The following IL1RAPL1 variants were observed in gnomAD, a reference collection of about 807,000 sequenced individuals.
IL1RAPL1 encodes the protein interleukin 1 receptor accessory protein like 1.
IL1RAPL1 carries 3 observed loss-of-function variants against 48.4 expected under a neutral mutation model. That is an observed-to-expected ratio of 0.06 (90% confidence interval 0.03 to 0.16). The LOEUF (loss-of-function observed/expected upper bound fraction) is 0.16, where lower values mean the gene tolerates loss of function less well. Among genes scored for constraint, IL1RAPL1 ranks in the 10% least tolerant of loss-of-function variants. The pLI is 1.00. For missense variants in IL1RAPL1, 349 were observed against 530.6 expected, an observed-to-expected ratio of 0.66 and a Z score of 3.36; for synonymous variants, 185 against 187.7, an observed-to-expected ratio of 0.99 and a Z score of 0.12.
intron 5 of IL1RAPL1, among the ~76,000 whole-genome samples, chrX:29,538,338 C>CTTT (rs397896582): frequency 3.2e-4 from 27 of 83,582 alleles, no homozygotes; most frequent in African/African-American, 8.8e-4. Context: ...CTTTTCTTTT[C>CTTT]TTTTTTTTTT....
At position 28,967,517 on chromosome X, in the gene IL1RAPL1, A is replaced by C. The variant is rs770318388; in HGVS notation, c.82+178092A>C. 4.6e-3 allele frequency among the ~76,000 whole-genome samples: 510 copies of C among 111,462 alleles called. 4 individuals carry two copies. Among genetic ancestry groups the C allele is most frequent in the African/African-American group, 0.016 (478 of 30,682 alleles). On this transcript the variant is annotated intron_variant, in intron 2 of 10. Coordinates refer to ENST00000378993, the MANE Select transcript of IL1RAPL1 (RefSeq NM_014271.4). ...TCAATACATAACAAATTTTCTTCTT[A>C]TTCTTTAAATTAAAGATCTCCCCCT...
chrX:29,232,444 C>T (rs7059101), intron 2 of IL1RAPL1, among the ~76,000 whole-genome samples: 21,981 of 111,348 alleles, frequency 0.2, 2,798 homozygotes, highest in African/African-American at 0.45. Flanking sequence ...GCAGAAATAG[C>T]GTGAAAGAAT....
chrX:28,854,971 T>G (rs113604861), intron 2 of IL1RAPL1, among the ~76,000 whole-genome samples: 2,105 of 111,677 alleles, frequency 0.019, 52 homozygotes, highest in African/African-American at 0.065. Context: ...CCTCTTATCT[T>G]GTAGTGTTGT....
intron 2 of IL1RAPL1, among the ~76,000 whole-genome samples, chrX:29,206,095 A>T (rs1435360126): frequency 9.0e-6 from 1 of 111,558 alleles, no homozygotes; most frequent in Non-Finnish European, 1.9e-5. Context: ...AATAAGTACT[A>T]GTGGAGAAAG....
chrX:29,683,605 T>G (rs1926527844), intron 6 of IL1RAPL1, among the ~76,000 whole-genome samples: 1 of 112,607 alleles, frequency 8.9e-6, no homozygotes, highest in African/African-American at 3.2e-5. Flanking sequence ...GACACTTCTA[T>G]ACATTAGTGT....
chrX:29,265,564 G>A (rs1931940011), intron 2 of IL1RAPL1, among the ~76,000 whole-genome samples: 1 of 103,865 alleles, frequency 9.6e-6, no homozygotes, highest in African/African-American at 3.5e-5. Flanking sequence ...CTGGTGTGCT[G>A]CACCCATTAA....
At chrX:29,555,246 C>G (rs1032114459) in intron 5 of IL1RAPL1, among the ~76,000 whole-genome samples, 4 of 112,451 alleles carry the variant, frequency 3.6e-5, no homozygotes, top group African/African-American at 1.3e-4. Flanking sequence ...CAACATAGTA[C>G]CATTCTAAAT....
At chrX:29,212,014 T>G (rs1001101849) in intron 2 of IL1RAPL1, among the ~76,000 whole-genome samples, 2 of 111,023 alleles carry the variant, frequency 1.8e-5, no homozygotes, top group Non-Finnish European at 3.8e-5. Context: ...ATATACAACT[T>G]GCTACTCAAC....
intron 2 of IL1RAPL1, among the ~76,000 whole-genome samples, chrX:28,929,265 AT>A (rs1923821619): frequency 8.9e-6 from 1 of 112,141 alleles, no homozygotes; most frequent in African/African-American, 3.2e-5. Flanking sequence ...GTATCTAAAC[AT>A]TTCTTAACAT....
intron 2 of IL1RAPL1, among the ~76,000 whole-genome samples, chrX:28,865,057 G>A (rs1031879964): frequency 4.5e-5 from 5 of 111,666 alleles, no homozygotes; most frequent in African/African-American, 1.6e-4. Flanking sequence ...AAAGAGCTGA[G>A]TCAAGGATGT....
chrX:29,808,520 A>G (rs1030965964), intron 6 of IL1RAPL1, among the ~76,000 whole-genome samples: 1 of 111,244 alleles, frequency 9.0e-6, no homozygotes, highest in African/African-American at 3.3e-5. Context: ...TGTATTCTGA[A>G]ATTGTTGGGT....
intron 5 of IL1RAPL1, among the ~76,000 whole-genome samples, chrX:29,416,920 A>G (rs1934224951): frequency 9.0e-6 from 1 of 111,598 alleles, no homozygotes; most frequent in Non-Finnish European, 1.9e-5. Context: ...TATTATGTTA[A>G]AATTTTTATG....
At chrX:29,575,688 C>A (rs1306556930) in intron 5 of IL1RAPL1, among the ~76,000 whole-genome samples, 10 of 112,271 alleles carry the variant, frequency 8.9e-5, no homozygotes, top group Non-Finnish European at 5.6e-5. Context: ...ATTCTGCAAT[C>A]CAATCAAGTT....
chrX:29,058,067 A>G lies in IL1RAPL1; in HGVS notation c.83-224871A>G, dbSNP rs1167130211. On this transcript the variant is annotated intron_variant, in intron 2 of 10. Transcript: ENST00000378993. ...TATTTCTGTCCATGAAAAATGACTGAAATCATAATGTTAAAAATAGGAAAG... is the reference window on the plus strand; with the variant it reads ...TATTTCTGTCCATGAAAAATGACTGGAATCATAATGTTAAAAATAGGAAAG... Among the ~76,000 whole-genome samples the G allele has an allele frequency of 5.4e-5, 6 of 111,216 alleles. No homozygotes were observed. In the East Asian group the frequency reaches 1.7e-3, roughly 31 times the overall value.
At chrX:29,036,968 A>G (rs1460171147) in intron 2 of IL1RAPL1, among the ~76,000 whole-genome samples, 4 of 112,113 alleles carry the variant, frequency 3.6e-5, no homozygotes, top group Non-Finnish European at 7.5e-5. Flanking sequence ...AAGTGCTACT[A>G]TAAGAGCTTT....
At chrX:29,202,907 G>A (rs1461782713) in intron 2 of IL1RAPL1, among the ~76,000 whole-genome samples, 1 of 111,112 alleles carries the variant, frequency 9.0e-6, no homozygotes, top group Admixed American at 9.6e-5. Context: ...ACCTTATTGG[G>A]TATTGTGCCT....
intron 6 of IL1RAPL1, among the ~76,000 whole-genome samples, chrX:29,891,140 ACT>A (rs1311309138): frequency 9.0e-6 from 1 of 111,563 alleles, no homozygotes; most frequent in African/African-American, 3.3e-5. Context: ...TACACTCTGC[ACT>A]CTGTCATCTG....
intron 2 of IL1RAPL1, among the ~76,000 whole-genome samples, chrX:29,039,838 A>C (rs1471790499): frequency 2.7e-5 from 3 of 110,477 alleles, no homozygotes; most frequent in Non-Finnish European, 5.7e-5. Flanking sequence ...CAACTGGCCA[A>C]AGACCAAATC....
intron 3 of IL1RAPL1, among the ~76,000 whole-genome samples, chrX:29,310,237 C>T (rs1204679138): frequency 9.3e-6 from 1 of 108,012 alleles, no homozygotes; most frequent in Non-Finnish European, 1.9e-5. Flanking sequence ...CTTGTAATTC[C>T]CTCTAAAGCT....
Sources: gnomAD v4.1 joint callset for allele counts (sites outside exome capture counted in the v4.1 genomes callset) on GRCh38, gnomAD v4.1.1 for gene constraint, MANE v1.5 for transcripts, NCBI Gene and HGNC (gene_info 2026-07-23, HGNC 2026-07-21) for gene names.